Variants in ZNF592 observed in about 807,000 individuals in gnomAD.
ZNF592 encodes zinc finger protein 592.
In ZNF592, 11 loss-of-function variants were observed where a neutral mutation model predicts 80.3. The ratio of observed to expected loss-of-function variants is 0.14; its 90% CI spans 0.09 to 0.23. ZNF592 has a LOEUF of 0.23. ZNF592 is among the 10% of genes least tolerant of loss of function. The probability of loss-of-function intolerance (pLI) is 1.00; values close to 1 mark genes in which losing one functional copy is unlikely to be tolerated. For synonymous variants in ZNF592, 646 were observed against 640.3 expected, an observed-to-expected ratio of 1.01 and a Z score of -0.13; for missense variants, 1,420 against 1,633.9, an observed-to-expected ratio of 0.87 and a Z score of 2.26.
At position 84,797,970 on chromosome 15, in the gene ZNF592, T is replaced by G. The variant is rs781385610; in HGVS notation, c.2501T>G (p.Met834Arg). ...TTCCACAAATGTGCATTCTGCCCCA[T>G]GGCCTTCAAGACTGCCAGCAGCACT... The part of the protein sequence containing the change: ...QVFHKCAFCP[M>R]AFKTASSTAD... The change falls in exon 6 of 11, where the codon ATG becomes AGG. Residue 834 changes from methionine to arginine, a missense_variant. Transcript: ENST00000560079. 5.6e-6 allele frequency: 9 copies of G among 1,614,212 alleles called. No homozygotes were observed. Among genetic ancestry groups the G allele is most frequent in the Middle Eastern group, 1.6e-4 (1 of 6,062 alleles).
intron 5 of ZNF592, among the ~76,000 whole-genome samples, chr15:84,791,440 G>T (rs1474887777): frequency 6.6e-6 from 1 of 152,146 alleles, no homozygotes; most frequent in Non-Finnish European, 1.5e-5. Flanking sequence ...TTCCTCCTTT[G>T]TGTCAAACAT....
intron 10 of ZNF592, among the ~76,000 whole-genome samples, chr15:84,801,005 CAAG>C (rs1447317094): frequency 1.3e-5 from 2 of 152,126 alleles, no homozygotes; most frequent in African/African-American, 4.8e-5. Context: ...AAAACAAAAA[CAAG>C]AAAAACACAG....
intron 3 of ZNF592, among the ~76,000 whole-genome samples, chr15:84,782,366 A>G (rs1962443576): frequency 6.6e-6 from 1 of 152,182 alleles, no homozygotes; most frequent in African/African-American, 2.4e-5. Context: ...TGGTAGGAGT[A>G]TACTCTCTGT....
Position 84,754,554 on chromosome 15 carries a change from T to A in ZNF592, c.-259+5890T>A, listed in dbSNP as rs887819426. 2.6e-5 allele frequency: 4 copies of A among 151,312 alleles called. No homozygotes were observed. The East Asian group carries it at 7.8e-4, about 30-fold the overall frequency. 9.4% of individuals were successfully genotyped at this position (151,312 alleles called of 1,614,324 possible). A position where few individuals can be genotyped will look rare whatever the true frequency, so the allele number is the denominator to read the frequency against. The stretch of plus-strand genomic sequence containing the variant: ...TCCAGCCTAGGCGACAGAGCTAGAT[T>A]CCATTTCAAAAAAAAAAGGTGATGA... On this transcript the variant is annotated intron_variant, in intron 1 of 10. Coordinates refer to ENST00000560079, the MANE Select transcript of ZNF592 (RefSeq NM_014630.3).
chr15:84,760,593 T>A (rs914428313), intron 1 of ZNF592, among the ~76,000 whole-genome samples: 14 of 152,272 alleles, frequency 9.2e-5, no homozygotes, highest in African/African-American at 3.4e-4. Flanking sequence ...GTAATGGTGC[T>A]CAATATTATT....
At chr15:84,782,597 G>T in intron 3 of ZNF592, 60 bp from the exon 4 acceptor site, 1 of 1,501,502 alleles carries the variant, frequency 6.7e-7, no homozygotes, top group African/African-American at 1.4e-5. Context: ...TGGGTGTGTA[G>T]TGAAGATGGT....
At chr15:84,755,028 C>T (rs998546316) in intron 1 of ZNF592, among the ~76,000 whole-genome samples, 12 of 135,572 alleles carry the variant, frequency 8.9e-5, no homozygotes, top group South Asian at 8.0e-4. Context: ...TGCAGTGGTG[C>T]GATCTCAGCT....
intron 3 of ZNF592, among the ~76,000 whole-genome samples, chr15:84,781,024 T>C (rs2141983367): frequency 6.6e-6 from 1 of 152,170 alleles, no homozygotes; most frequent in African/African-American, 2.4e-5. Flanking sequence ...ATAGATTTCA[T>C]AATGAGAATT....
intron 2 of ZNF592, among the ~76,000 whole-genome samples, chr15:84,770,475 G>A (rs1899666810): frequency 1.3e-5 from 2 of 152,270 alleles, no homozygotes; most frequent in East Asian, 3.9e-4. Flanking sequence ...GGAATTCTGT[G>A]CCCTTGATGA....
At chr15:84,760,057 A>G (rs1186940449) in intron 1 of ZNF592, among the ~76,000 whole-genome samples, 1 of 150,710 alleles carries the variant, frequency 6.6e-6, no homozygotes, top group Admixed American at 6.6e-5. Flanking sequence ...AATGATAGAC[A>G]GTTGAGATGG....
intron 2 of ZNF592, among the ~76,000 whole-genome samples, chr15:84,777,217 C>A (rs1484217774): frequency 6.6e-6 from 1 of 151,808 alleles, no homozygotes; most frequent in Non-Finnish European, 1.5e-5. Context: ...TTGCTCACGC[C>A]TGTAATCCCA....
chr15:84,764,890 ATTTTGTTTTG>A (rs1218374895), intron 2 of ZNF592, 75 bp downstream of exon 2: 1 of 341,576 alleles, frequency 2.9e-6, no homozygotes, highest in East Asian at 3.9e-5. Flanking sequence ...TGTTCCCTGG[ATTTTGTTTTG>A]TTTTGTTTTG....
rs34356102 is a variant in ZNF592, at chr15:84,755,124, A to ATTT, written c.-259+6479_-259+6481dup. On this transcript the variant is annotated intron_variant, in intron 1 of 10. Transcript: ENST00000560079. ...AGGCGTCCATCACCACACCCAGCTAATTTTTTTTTTTTTTTTTTTTTAGTA... is the reference window on the plus strand; with the variant it reads ...AGGCGTCCATCACCACACCCAGCTAATTTTTTTTTTTTTTTTTTTTTTTTAGTA... Among the ~76,000 whole-genome samples the ATTT allele has an allele frequency of 8.3e-4, 96 of 115,568 alleles. 1 individual carries two copies. Among genetic ancestry groups the ATTT allele is most frequent in the East Asian group, 1.8e-3 (7 of 3,920 alleles). 75.8% of individuals were successfully genotyped at this position (115,568 alleles called of 152,430 possible).
chr15:84,762,846 G>T (rs1899391388), intron 1 of ZNF592, among the ~76,000 whole-genome samples: 1 of 152,158 alleles, frequency 6.6e-6, no homozygotes, highest in Non-Finnish European at 1.5e-5. Flanking sequence ...AGAGTAAGTG[G>T]TTTAAATTTA....
chr15:84,777,475 C>CAAAAA (rs549871970), intron 2 of ZNF592, among the ~76,000 whole-genome samples: 1 of 55,154 alleles, frequency 1.8e-5, no homozygotes, highest in Non-Finnish European at 3.6e-5. Flanking sequence ...GACTCCGTCT[C>CAAAAA]AAAAAAAAAA....
At chr15:84,765,175 T>G (rs1256252793) in intron 2 of ZNF592, among the ~76,000 whole-genome samples, 1 of 152,218 alleles carries the variant, frequency 6.6e-6, no homozygotes, top group African/African-American at 2.4e-5. Context: ...TCAGTATTTG[T>G]CTGTTGTAGC....
Position 84,784,137 on chromosome 15 carries a change from C to A in ZNF592, c.1462C>A (p.Leu488Met). 1.9e-6 allele frequency: 3 copies of A among 1,614,180 alleles called. No homozygotes were observed. The African/African-American group carries it at 4.0e-5, about 22-fold the overall frequency. ...AGGCAAGAAGCAACAGAGCACAGCA[C>A]TGCAGGCATCCACCCTGGCCCCTGC... Reference protein sequence around the residue: ...QTGKKQQSTALQASTLAPANL... With the variant: ...QTGKKQQSTAMQASTLAPANL... Residue 488 changes from leucine to methionine, a missense_variant, in exon 4 of 11, where the codon CTG (leucine) becomes ATG (methionine). Leu to Met is a conservative substitution (Grantham distance 15). Coordinates refer to ENST00000560079, the MANE Select transcript of ZNF592 (RefSeq NM_014630.3). The surrounding 1 kb of genome is among the most constrained non-coding windows in gnomAD (Gnocchi z 5.8).
At chr15:84,797,268 A>C (rs1037939026) in intron 5 of ZNF592, among the ~76,000 whole-genome samples, 1 of 152,112 alleles carries the variant, frequency 6.6e-6, no homozygotes, top group African/African-American at 2.4e-5. Flanking sequence ...CCCCAGTGGA[A>C]CTATTGACCA....
At chr15:84,793,440 G>A (rs1239587267) in intron 5 of ZNF592, among the ~76,000 whole-genome samples, 1 of 152,128 alleles carries the variant, frequency 6.6e-6, no homozygotes, top group African/African-American at 2.4e-5. Flanking sequence ...ATTTTCTTAT[G>A]TACAAGTAAA....
Sources: gnomAD v4.1 joint callset for allele counts (sites outside exome capture counted in the v4.1 genomes callset) on GRCh38, gnomAD v4.1.1 for gene constraint, Gnocchi (gnomAD v3.1) non-coding constraint, MANE v1.5 for transcripts, NCBI Gene and HGNC (gene_info 2026-07-23, HGNC 2026-07-21) for gene names.